SPMIP2: variants seen among roughly 807,000 people sequenced by gnomAD.
SPMIP2 encodes sperm microtubule inner protein 2.
the SPMIP2 span, among the ~76,000 whole-genome samples, chr4:158,939,813 T>A: frequency 6.7e-6 from 1 of 149,800 alleles, no homozygotes; most frequent in African/African-American, 2.5e-5. Flanking sequence ...CACTCCAGCC[T>A]GGGTGACAGA....
chr4:158,948,591 GTTTT>G, the SPMIP2 span, among the ~76,000 whole-genome samples: 10 of 125,988 alleles, frequency 7.9e-5, no homozygotes, highest in African/African-American at 2.5e-4. Context: ...TATGTGGTTT[GTTTT>G]TTTTTTTTTT....
the SPMIP2 span, among the ~76,000 whole-genome samples, chr4:158,978,849 G>A: frequency 2.0e-5 from 3 of 152,016 alleles, no homozygotes; most frequent in Non-Finnish European, 2.9e-5. Flanking sequence ...ACAGCACACC[G>A]ATGAGTCTTG....
the SPMIP2 span, among the ~76,000 whole-genome samples, chr4:158,982,841 C>G: frequency 1.3e-5 from 2 of 152,050 alleles, no homozygotes; most frequent in Admixed American, 1.3e-4. Flanking sequence ...GAGAAGAAGG[C>G]TTCAGACGAT....
chr4:159,078,977 G>A, the SPMIP2 span, among the ~76,000 whole-genome samples: 1 of 152,096 alleles, frequency 6.6e-6, no homozygotes, highest in Non-Finnish European at 1.5e-5. Flanking sequence ...AATTAGCTGG[G>A]TGTGGTGGTG....
At chr4:159,003,766 T>C in the SPMIP2 span, among the ~76,000 whole-genome samples, 1 of 152,138 alleles carries the variant, frequency 6.6e-6, no homozygotes, top group African/African-American at 2.4e-5. Flanking sequence ...AGAAAAATAC[T>C]CCTCTTTAAA....
chr4:159,026,864 C>T, the SPMIP2 span, among the ~76,000 whole-genome samples: 10 of 149,942 alleles, frequency 6.7e-5, no homozygotes, highest in Admixed American at 6.7e-4. Flanking sequence ...TATTTATATA[C>T]ATATATTTAT....
the SPMIP2 span, among the ~76,000 whole-genome samples, chr4:158,918,048 T>C: frequency 1.3e-5 from 2 of 152,158 alleles, no homozygotes; most frequent in Non-Finnish European, 2.9e-5. Flanking sequence ...TATTAGAATA[T>C]TCTTGAATTC....
At chr4:158,964,104 G>A in the SPMIP2 span, among the ~76,000 whole-genome samples, 4 of 151,518 alleles carry the variant, frequency 2.6e-5, no homozygotes, top group Admixed American at 6.6e-5. Context: ...GCAGTGAGCC[G>A]AGATTGAGCC....
At chr4:158,975,309 C>A in the SPMIP2 span, among the ~76,000 whole-genome samples, 1 of 152,102 alleles carries the variant, frequency 6.6e-6, no homozygotes. Context: ...TTAATTAGAT[C>A]CCATTTGTGA....
the SPMIP2 span, among the ~76,000 whole-genome samples, chr4:158,965,772 T>C: frequency 1.3e-5 from 2 of 152,108 alleles, no homozygotes; most frequent in Non-Finnish European, 2.9e-5. Flanking sequence ...TTACTCTTTA[T>C]CTACAATTTG....
the SPMIP2 span, among the ~76,000 whole-genome samples, chr4:158,925,687 G>A: frequency 1.3e-5 from 2 of 152,214 alleles, no homozygotes; most frequent in African/African-American, 4.8e-5. Context: ...AAGAGCTCAG[G>A]CAGTAATGCT....
At chr4:158,995,235 GT>G in the SPMIP2 span, among the ~76,000 whole-genome samples, 1 of 152,090 alleles carries the variant, frequency 6.6e-6, no homozygotes, top group East Asian at 1.9e-4. Flanking sequence ...TATTCTTTTT[GT>G]TTTTTTGTAG....
chr4:158,995,254 T>A, the SPMIP2 span, among the ~76,000 whole-genome samples: 1 of 152,134 alleles, frequency 6.6e-6, no homozygotes, highest in Admixed American at 6.6e-5. Flanking sequence ...TAGTCAAACT[T>A]TCCTGTGGAC....
the SPMIP2 span, among the ~76,000 whole-genome samples, chr4:158,976,204 T>C: frequency 2.6e-5 from 4 of 152,210 alleles, no homozygotes; most frequent in African/African-American, 9.7e-5. Context: ...CAATGGGGTT[T>C]TCTAATTATA....
chr4:158,972,230 C>T, the SPMIP2 span, among the ~76,000 whole-genome samples: 2 of 152,226 alleles, frequency 1.3e-5, no homozygotes, highest in Non-Finnish European at 2.9e-5. Flanking sequence ...GGCCTGATGG[C>T]ATGTGCCTGT....
the SPMIP2 span, among the ~76,000 whole-genome samples, chr4:158,941,349 C>G: frequency 6.6e-6 from 1 of 152,166 alleles, no homozygotes; most frequent in African/African-American, 2.4e-5. Context: ...CTATGAATGC[C>G]TCAACCAAGC....
the SPMIP2 span, among the ~76,000 whole-genome samples, chr4:158,894,138 A>G: frequency 5.3e-5 from 8 of 151,776 alleles, no homozygotes; most frequent in African/African-American, 1.9e-4. Context: ...GCATGGTTCA[A>G]TGGAATAATC....
chr4:158,982,617 A>G, the SPMIP2 span, among the ~76,000 whole-genome samples: 1 of 152,236 alleles, frequency 6.6e-6, no homozygotes, highest in African/African-American at 2.4e-5. Flanking sequence ...CTGCTCCTGA[A>G]TGACTACTGG....
chr4:159,037,367 A>G, the SPMIP2 span, among the ~76,000 whole-genome samples: 1 of 151,662 alleles, frequency 6.6e-6, no homozygotes, highest in Admixed American at 6.6e-5. Flanking sequence ...ACATATTTAC[A>G]TAGTTTCAAA....
Sources: gnomAD v4.1 joint callset for allele counts (sites outside exome capture counted in the v4.1 genomes callset) on GRCh38, gnomAD v4.1.1 for gene constraint, MANE v1.5 for transcripts, NCBI Gene and HGNC (gene_info 2026-07-23, HGNC 2026-07-21) for gene names.